The following GLDN variants were observed in gnomAD, a reference collection of about 807,000 sequenced individuals.
GLDN encodes the protein gliomedin.
A neutral mutation model predicts 56.5 loss-of-function variants in GLDN; 47 were observed. The ratio of observed to expected loss-of-function variants is 0.83; its 90% CI spans 0.66 to 1.06. The LOEUF (loss-of-function observed/expected upper bound fraction) is 1.06. GLDN is among the 50% of genes least tolerant of loss of function. The probability of loss-of-function intolerance (pLI) is 0.00; values close to 1 mark genes in which losing one functional copy is unlikely to be tolerated. For synonymous variants in GLDN, 332 were observed against 278.8 expected (o/e 1.19, Z -1.90); for missense variants, 782 against 714.3 (o/e 1.09, Z -1.08).
chr15:51,391,805 T>G lies in GLDN; in HGVS notation c.542-3030T>G, dbSNP rs1316082753. On this transcript the variant is annotated intron_variant, in intron 4 of 9. Coordinates refer to ENST00000335449, the MANE Select transcript of GLDN (RefSeq NM_181789.4). ...CAGTGCTGACAGTGGAGGGGCCCCCTGCTCCTCTTCACATCCTCTTCTACT... is the reference window on the plus strand; with the variant it reads ...CAGTGCTGACAGTGGAGGGGCCCCCGGCTCCTCTTCACATCCTCTTCTACT... Among the ~76,000 whole-genome samples, 4 of 152,242 alleles carry G rather than the reference T, an allele frequency of 2.6e-5. No homozygotes were observed. In the East Asian group the frequency reaches 7.7e-4, roughly 29 times the overall value.
chr15:51,391,306 G>C (rs2038015267), intron 4 of GLDN, among the ~76,000 whole-genome samples: 1 of 152,138 alleles, frequency 6.6e-6, no homozygotes, highest in African/African-American at 2.4e-5. Context: ...AGAAAGAAAA[G>C]ACATAAGAGG....
Position 51,404,896 on chromosome 15 carries a change from T to A in GLDN, c.*142T>A. ...TGTTTATATGGTCAGTGAGCCCCGC[T>A]TAGTGAAATAGCAACAGATTGGAAG... On this transcript the variant is annotated 3_prime_UTR_variant, in exon 10 of 10. Coordinates refer to ENST00000335449, the MANE Select transcript of GLDN (RefSeq NM_181789.4). 2 of 644,700 alleles carry A rather than the reference T, an allele frequency of 3.1e-6. No individual in the cohort carries two copies. The highest frequency in any genetic ancestry group is 5.5e-6 in the Non-Finnish European group (2 of 362,010). The allele number at this position is 644,700 out of a possible 1,614,324, so 39.9% of individuals were successfully genotyped here.
chr15:51,356,727 G>A (rs72729217), intron 1 of GLDN, among the ~76,000 whole-genome samples: 1,979 of 152,222 alleles, frequency 0.013, 21 homozygotes, highest in Middle Eastern at 0.031. Flanking sequence ...AAAAGGTGGC[G>A]ATAGCAGTAT....
At chr15:51,352,419 T>A (rs2037093274) in intron 1 of GLDN, among the ~76,000 whole-genome samples, 2 of 152,164 alleles carry the variant, frequency 1.3e-5, no homozygotes, top group Admixed American at 1.3e-4. Flanking sequence ...ACACAAATAT[T>A]CAGACCATGG....
At position 51,383,414 on chromosome 15, in the gene GLDN, C is replaced by G. The variant is rs1164325544; in HGVS notation, c.416-22C>G. On this transcript the variant is annotated intron_variant, in intron 2 of 9. Coordinates refer to ENST00000335449, the MANE Select transcript of GLDN (RefSeq NM_181789.4). ...TCTGGGTTCGGTGCTGGTTTCTCAA[C>G]TAAATTTTTTTTCCGTTGTAGGACC... 5 of 1,613,804 alleles carry G rather than the reference C, an allele frequency of 3.1e-6. No individual in the cohort carries two copies. The Admixed American group carries it at 5.0e-5, about 16-fold the overall frequency.
chr15:51,366,846 C>T (rs2037413377), intron 1 of GLDN, among the ~76,000 whole-genome samples: 1 of 151,730 alleles, frequency 6.6e-6, no homozygotes, highest in African/African-American at 2.4e-5. Flanking sequence ...TGCCACTGCA[C>T]TCCAGCCTGG....
In GLDN at chr15:51,341,800, G is replaced by A; in HGVS notation, c.116G>A (p.Cys39Tyr). 6.6e-7 allele frequency: 1 copy of A among 1,512,686 alleles called. No individual in the cohort carries two copies. Among genetic ancestry groups the A allele is most frequent in the East Asian group, 2.6e-5 (1 of 37,924 alleles). The allele number at this position is 1,512,686 out of a possible 1,614,324, so 93.7% of individuals were successfully genotyped here. Residue 39 changes from cysteine (C) to tyrosine (Y), a missense_variant, in exon 1 of 10, where the codon TGC (cysteine) becomes TAC (tyrosine). Coordinates refer to ENST00000335449, the MANE Select transcript of GLDN (RefSeq NM_181789.4). ...LNAAGTVFAL[C>Y]QWRGLSSALR... ...GCTGCGGGCACGGTGTTCGCGCTGT[G>A]CCAGTGGCGCGGGCTGAGCTCGGCG...
At position 51,383,468 on chromosome 15, in the gene GLDN, A is replaced by G. The variant is rs1444141387; in HGVS notation, c.433+15A>G. ...TGGACCACCAGGTAAGAGCCCATGG[A>G]TTTTCTAGTTCAAGGGGAGGCTGTG... is the stretch of plus-strand genomic sequence containing the variant. On this transcript the variant is annotated intron_variant, in intron 3 of 9. Coordinates refer to ENST00000335449, the MANE Select transcript of GLDN (RefSeq NM_181789.4). 4.3e-6 allele frequency: 7 copies of G among 1,613,680 alleles called. No homozygotes were observed. Among genetic ancestry groups the G allele is most frequent in the Admixed American group, 1.7e-5 (1 of 60,018 alleles).
At chr15:51,384,887 A>T (rs2037855402) in intron 4 of GLDN, 2 of 152,250 alleles carry the variant, frequency 1.3e-5, no homozygotes, top group Non-Finnish European at 2.9e-5. Flanking sequence ...GACGAGAAGA[A>T]ATGGTAGAAA....
At chr15:51,343,248 G>T (rs566493708) in intron 1 of GLDN, among the ~76,000 whole-genome samples, 18 of 152,232 alleles carry the variant, frequency 1.2e-4, no homozygotes, top group African/African-American at 4.1e-4. Flanking sequence ...TACATCTTTT[G>T]AGAGAGATCA....
At position 51,383,791 on chromosome 15, in the gene GLDN, C is replaced by T. The variant is rs140063339; in HGVS notation, c.440C>T (p.Pro147Leu). Reference protein sequence around the residue: ...LTGPSGPPGPPGAGGLPGHNG... With the variant: ...LTGPSGPPGPLGAGGLPGHNG... The stretch of plus-strand genomic sequence containing the variant: ...TTTCTGTGTTTTGATGCAGGACCTC[C>T]GGGAGCCGGCGGGTTGCCAGGACAC... The change falls in exon 4 of 10, where the codon CCG (proline) becomes CTG (leucine). Residue 147 changes from proline to leucine, a missense_variant. By Grantham distance (98) the Pro-to-Leu change is moderately conservative. Coordinates refer to ENST00000335449, the MANE Select transcript of GLDN (RefSeq NM_181789.4). The T allele has an allele frequency of 4.4e-3, 7,040 of 1,608,016 alleles. 31 individuals carry two copies. Among genetic ancestry groups the T allele is most frequent in the Non-Finnish European group, 5.1e-3 (6,060 of 1,177,812 alleles).
At chr15:51,397,200 C>A (rs1473125661) in intron 5 of GLDN, among the ~76,000 whole-genome samples, 1 of 152,150 alleles carries the variant, frequency 6.6e-6, no homozygotes, top group Admixed American at 6.5e-5. Flanking sequence ...GCTTCTGTGG[C>A]CCCACTTGTC....
At chr15:51,385,845 A>G (rs1220944012) in intron 4 of GLDN, among the ~76,000 whole-genome samples, 5 of 152,232 alleles carry the variant, frequency 3.3e-5, no homozygotes, top group Non-Finnish European at 7.3e-5. Context: ...AACCTAGCCT[A>G]GTTGAGATCA....
At chr15:51,348,081 C>A (rs1448207778) in intron 1 of GLDN, among the ~76,000 whole-genome samples, 1 of 152,076 alleles carries the variant, frequency 6.6e-6, no homozygotes, top group Non-Finnish European at 1.5e-5. Context: ...GACTTTTGAA[C>A]CATGTGACTG....
chr15:51,372,278 T>A (rs764703716), intron 1 of GLDN, among the ~76,000 whole-genome samples: 18 of 152,198 alleles, frequency 1.2e-4, no homozygotes, highest in Admixed American at 6.5e-5. Context: ...TACTGCCACA[T>A]TCAGGATCAA....
intron 9 of GLDN, among the ~76,000 whole-genome samples, 179 bp from the exon 10 acceptor site, chr15:51,404,098 A>T (rs538316478): frequency 6.6e-6 from 1 of 152,128 alleles, no homozygotes; most frequent in Non-Finnish European, 1.5e-5. Context: ...TTACAGCCTC[A>T]CTGCTCACAG....
In GLDN at chr15:51,353,746, T is replaced by TAAAA. The variant is rs56751652; in HGVS notation, c.363+11710_363+11713dup. On this transcript the variant is annotated intron_variant, in intron 1 of 9. Transcript: ENST00000335449. ...AAAAAAAAAAAAAACCACAGTCAAT[T>TAAAA]AAAAAAAAAAAAAAGACACTCTTTT... Among the ~76,000 whole-genome samples the TAAAA allele has an allele frequency of 1.1e-3, 123 of 117,098 alleles. 1 individual carries two copies. Among genetic ancestry groups the TAAAA allele is most frequent in the African/African-American group, 3.2e-3 (93 of 29,460 alleles). 76.8% of individuals were successfully genotyped at this position (117,098 alleles called of 152,430 possible). A position where few individuals can be genotyped will look rare whatever the true frequency, so the allele number is the denominator to read the frequency against.
At position 51,401,817 on chromosome 15, in the gene GLDN, G is replaced by A. The variant is rs2038258729; in HGVS notation, c.1178+74G>A. On this transcript the variant is annotated intron_variant, in intron 9 of 9. Coordinates refer to ENST00000335449, the MANE Select transcript of GLDN (RefSeq NM_181789.4). ...CTGTGGTGCTTTTGTGAGCAATTAG[G>A]GGTAGGGACTGTGTTTTCATCATCT... 4 of 1,359,820 alleles carry A rather than the reference G, an allele frequency of 2.9e-6. No individual in the cohort carries two copies. In the South Asian group the frequency reaches 4.0e-5, roughly 14 times the overall value. 84.2% of individuals were successfully genotyped at this position (1,359,820 alleles called of 1,614,324 possible).
chr15:51,345,634 A>C (rs1331492432), intron 1 of GLDN, among the ~76,000 whole-genome samples: 1 of 152,214 alleles, frequency 6.6e-6, no homozygotes, highest in African/African-American at 2.4e-5. Flanking sequence ...CTCACCCCCA[A>C]AACTATAGCT....
Sources: allele counts gnomAD v4.1 joint callset (sites outside exome capture counted in the v4.1 genomes callset), GRCh38; gene constraint gnomAD v4.1.1; transcripts MANE v1.5; gene names NCBI Gene and HGNC (gene_info 2026-07-23, HGNC 2026-07-21).